SHISA9: variants seen among roughly 807,000 people sequenced by gnomAD.
SHISA9 encodes shisa family member 9, also known as protein shisa-9.
Under a neutral mutation model 38.0 loss-of-function variants are expected in SHISA9, and 13 were observed. The observed-to-expected ratio is 0.34, with a 90% CI of 0.22 to 0.54. The LOEUF is 0.54. SHISA9 is among the 20% of genes least tolerant of loss of function. The pLI is 0.91. For missense variants in SHISA9, 538 were observed against 575.8 expected, an observed-to-expected ratio of 0.93 and a Z score of 0.67; for synonymous variants, 275 against 242.0, an observed-to-expected ratio of 1.14 and a Z score of -1.27.
At chr16:13,099,157 T>C (rs530506972) in intron 2 of SHISA9, among the ~76,000 whole-genome samples, 1 of 152,338 alleles carries the variant, frequency 6.6e-6, no homozygotes, top group East Asian at 1.9e-4. Context: ...ACCGATCATC[T>C]ATGGCTGATG....
At chr16:13,067,115 ATTAAAC>A (rs1453831671) in intron 2 of SHISA9, among the ~76,000 whole-genome samples, 2 of 152,236 alleles carry the variant, frequency 1.3e-5, no homozygotes, top group Non-Finnish European at 2.9e-5. Flanking sequence ...TATATGGAGA[ATTAAAC>A]TTTGAAGTGG....
chr16:13,548,801 T>G, the SHISA9 span, among the ~76,000 whole-genome samples: 1 of 152,100 alleles, frequency 6.6e-6, no homozygotes, highest in African/African-American at 2.4e-5. Flanking sequence ...AAAACAGTAT[T>G]AAGGTTTCTC....
chr16:13,333,330 T>A, the SHISA9 span, among the ~76,000 whole-genome samples: 1 of 152,160 alleles, frequency 6.6e-6, no homozygotes, highest in Non-Finnish European at 1.5e-5. Flanking sequence ...CAGAGGAGGC[T>A]GGTTTGAGTA....
At chr16:13,555,363 T>C in the SHISA9 span, among the ~76,000 whole-genome samples, 3 of 152,166 alleles carry the variant, frequency 2.0e-5, no homozygotes, top group Admixed American at 6.5e-5. Context: ...TGAATAAAGA[T>C]GGTATAACCT....
chr16:12,945,934 C>A (rs150599364), intron 2 of SHISA9, among the ~76,000 whole-genome samples: 94 of 152,240 alleles, frequency 6.2e-4, no homozygotes, highest in East Asian at 7.7e-4. Context: ...GCCAACATGG[C>A]GAAACCCTAC....
chr16:13,454,487 G>A, the SHISA9 span, among the ~76,000 whole-genome samples: 1 of 152,158 alleles, frequency 6.6e-6, no homozygotes, highest in Non-Finnish European at 1.5e-5. Context: ...CAGGAATTGT[G>A]CAAATTCACC....
chr16:13,019,796 CTT>C (rs1388956567), intron 2 of SHISA9, among the ~76,000 whole-genome samples: 2 of 137,512 alleles, frequency 1.5e-5, no homozygotes, highest in African/African-American at 5.5e-5. Context: ...TTCTTTCTTT[CTT>C]TCTTTCTTTC....
chr16:13,200,891 A>G (rs2051000630), intron 2 of SHISA9, among the ~76,000 whole-genome samples: 1 of 135,208 alleles, frequency 7.4e-6, no homozygotes, highest in South Asian at 2.3e-4. Flanking sequence ...GCCTGTTTCC[A>G]TTTGGGTTTG....
At chr16:13,421,862 A>G in the SHISA9 span, among the ~76,000 whole-genome samples, 1 of 152,218 alleles carries the variant, frequency 6.6e-6, no homozygotes, top group Non-Finnish European at 1.5e-5. Flanking sequence ...AGGTTGGGGT[A>G]AATGCTTCCA....
the SHISA9 span, among the ~76,000 whole-genome samples, chr16:13,288,713 C>A: frequency 6.6e-6 from 1 of 152,090 alleles, no homozygotes; most frequent in Non-Finnish European, 1.5e-5. Flanking sequence ...ATAGCTTGAA[C>A]CCAGGAGGCA....
the SHISA9 span, among the ~76,000 whole-genome samples, chr16:13,560,180 C>T: frequency 2.6e-5 from 4 of 152,170 alleles, no homozygotes; most frequent in African/African-American, 9.7e-5. Context: ...CTCTCACTAG[C>T]AAACTGTGTA....
intron 2 of SHISA9, 133 bp downstream of exon 2, chr16:12,916,948 T>A: frequency 3.8e-6 from 4 of 1,059,488 alleles, no homozygotes; most frequent in Non-Finnish European, 5.3e-6. Context: ...TTCTTTCATG[T>A]CTTTTGGATG....
intron 2 of SHISA9, among the ~76,000 whole-genome samples, chr16:13,141,040 C>T (rs1380320624): frequency 6.6e-6 from 1 of 152,044 alleles, no homozygotes; most frequent in Non-Finnish European, 1.5e-5. Context: ...GATGGTAGAA[C>T]AACAGTGAAG....
chr16:13,544,430 T>TG, the SHISA9 span, among the ~76,000 whole-genome samples: 1 of 25,304 alleles, frequency 4.0e-5, no homozygotes, highest in East Asian at 4.7e-3. Flanking sequence ...TTTTTTCTTG[T>TG]TTTTTTTTTT....
intron 1 of SHISA9, among the ~76,000 whole-genome samples, chr16:12,912,293 C>G (rs948594148): frequency 1.3e-5 from 2 of 152,108 alleles, no homozygotes; most frequent in Non-Finnish European, 2.9e-5. Flanking sequence ...GAAAAGTGTC[C>G]TTGGACTTTG....
chr16:13,216,831 T>C (rs1164703405), intron 4 of SHISA9, among the ~76,000 whole-genome samples: 1 of 152,206 alleles, frequency 6.6e-6, no homozygotes, highest in African/African-American at 2.4e-5. Context: ...ATAAACATCA[T>C]GCTAGTTGGT....
At chr16:13,501,061 A>G in the SHISA9 span, among the ~76,000 whole-genome samples, 1 of 152,170 alleles carries the variant, frequency 6.6e-6, no homozygotes, top group African/African-American at 2.4e-5. Context: ...AGTGCTCAAC[A>G]AGGACAGGAT....
chr16:13,485,438 T>C, the SHISA9 span, among the ~76,000 whole-genome samples: 1 of 152,188 alleles, frequency 6.6e-6, no homozygotes, highest in African/African-American at 2.4e-5. Flanking sequence ...ATCCAGTCTA[T>C]CATTGAGGGT....
chr16:13,200,409 A>AACACAC lies in SHISA9; in HGVS notation c.692-2957_692-2952dup, dbSNP rs148088145. 3.0e-3 allele frequency among the ~76,000 whole-genome samples: 410 copies of AACACAC among 136,618 alleles called. 2 individuals carry two copies. The highest frequency in any genetic ancestry group is 8.4e-3 in the African/African-American group (285 of 33,786). The allele number at this position is 136,618 out of a possible 152,430, so 89.6% of individuals were successfully genotyped here. A position where few individuals can be genotyped will look rare whatever the true frequency, so the allele number is the denominator to read the frequency against. ...CTATCCACCAAAAAATATATCATGA[A>AACACAC]ACACACACACACACACACACACACA... On this transcript the variant is annotated intron_variant, in intron 2 of 4. Transcript: ENST00000558583.
Sources: gnomAD v4.1 joint callset for allele counts (sites outside exome capture counted in the v4.1 genomes callset) on GRCh38, gnomAD v4.1.1 for gene constraint, MANE v1.5 for transcripts, NCBI Gene and HGNC (gene_info 2026-07-23, HGNC 2026-07-21) for gene names.